The following RBMS1 variants were observed in gnomAD, a reference collection of about 807,000 sequenced individuals.
RBMS1 encodes RNA-binding motif, single-stranded-interacting protein 1.
In RBMS1, 17 loss-of-function variants were observed where a neutral mutation model predicts 62.3. That is an observed-to-expected ratio of 0.27 (90% CI 0.19 to 0.41). The LOEUF (loss-of-function observed/expected upper bound fraction) is 0.41, where lower values mean the gene tolerates loss of function less well. Among genes scored for constraint, RBMS1 ranks in the 10% least tolerant of loss-of-function variants. The pLI is 1.00. For missense variants in RBMS1, 334 were observed against 504.5 expected (o/e 0.66, Z 3.24); for synonymous variants, 172 against 170.0 (o/e 1.01, Z -0.09).
chr2:160,471,688 G>GGTGTGTGTAT (rs551305498), intron 1 of RBMS1, among the ~76,000 whole-genome samples: 5 of 20,288 alleles, frequency 2.5e-4, no homozygotes, highest in East Asian at 1.7e-3. Context: ...GAAATCCTTT[G>GGTGTGTGTAT]GTGTATATAT....
intron 1 of RBMS1, among the ~76,000 whole-genome samples, chr2:160,460,012 A>G (rs1684396511): frequency 1.3e-5 from 2 of 152,178 alleles, no homozygotes; most frequent in Non-Finnish European, 2.9e-5. Context: ...AATCTAACAC[A>G]CAATTCAATC....
At chr2:160,448,495 C>T (rs558784806) in intron 1 of RBMS1, among the ~76,000 whole-genome samples, 96 of 152,368 alleles carry the variant, frequency 6.3e-4, no homozygotes, top group Non-Finnish European at 1.1e-3. Flanking sequence ...GGGGTTTCCC[C>T]GTGTTGGCCG....
chr2:160,424,374 G>GC (rs1193900716), intron 1 of RBMS1, among the ~76,000 whole-genome samples: 4 of 150,248 alleles, frequency 2.7e-5, no homozygotes, highest in South Asian at 2.1e-4. Context: ...TTGGGGGGGG[G>GC]GGGAAACAAA....
chr2:160,301,989 A>G (rs906125471), intron 5 of RBMS1, among the ~76,000 whole-genome samples: 7 of 152,228 alleles, frequency 4.6e-5, no homozygotes, highest in African/African-American at 1.2e-4. Context: ...CAGAGTATTA[A>G]TAAGTTTCTA....
intron 2 of RBMS1, among the ~76,000 whole-genome samples, chr2:160,323,611 AG>A (rs1322224773): frequency 0.09 from 6,061 of 67,332 alleles, 373 homozygotes; most frequent in African/African-American, 0.2. Context: ...ATTTCATGAA[AG>A]AAAAAAAAAA....
chr2:160,434,787 C>T (rs904848324), intron 1 of RBMS1, among the ~76,000 whole-genome samples: 9 of 152,230 alleles, frequency 5.9e-5, no homozygotes, highest in South Asian at 2.1e-4. Flanking sequence ...AATTATCTTG[C>T]GGCCAGCAGG....
At chr2:160,311,220 C>CA (rs1689846208) in intron 4 of RBMS1, among the ~76,000 whole-genome samples, 1 of 84,988 alleles carries the variant, frequency 1.2e-5, no homozygotes, top group Non-Finnish European at 2.4e-5. Flanking sequence ...ATCTATCTAT[C>CA]TATCTATCTA....
At chr2:160,448,018 G>T (rs1413409775) in intron 1 of RBMS1, among the ~76,000 whole-genome samples, 1 of 152,060 alleles carries the variant, frequency 6.6e-6, no homozygotes, top group Non-Finnish European at 1.5e-5. Context: ...CAGATCATAG[G>T]CTATGTTAAC....
intron 2 of RBMS1, among the ~76,000 whole-genome samples, chr2:160,324,074 T>G (rs1168704655): frequency 6.6e-6 from 1 of 152,252 alleles, no homozygotes; most frequent in African/African-American, 2.4e-5. Context: ...TCTACCTTTT[T>G]GGTAATTTAT....
At chr2:160,300,184 T>C (rs1156531171) in intron 6 of RBMS1, among the ~76,000 whole-genome samples, 4 of 152,084 alleles carry the variant, frequency 2.6e-5, no homozygotes, top group Non-Finnish European at 4.4e-5. Flanking sequence ...AAGTGTGACA[T>C]TGGAATGAAA....
At chr2:160,388,967 T>C (rs987306568) in intron 1 of RBMS1, among the ~76,000 whole-genome samples, 1 of 152,258 alleles carries the variant, frequency 6.6e-6, no homozygotes, top group Admixed American at 6.5e-5. Flanking sequence ...TTTCCACATG[T>C]GCTCATCTCA....
chr2:160,397,489 C>T lies in RBMS1; in HGVS notation c.76-30098G>A, dbSNP rs116032139. ...AGTAAGCCCTATTTCCAAATATTCC[C>T]TCTTTTTTCTAGCACCTTGCTTTAC... On this transcript the variant is annotated intron_variant, in intron 1 of 13. Transcript: ENST00000348849. 3.8e-3 allele frequency among the ~76,000 whole-genome samples: 577 copies of T among 152,214 alleles called. 2 individuals are homozygous for T. The highest frequency in any genetic ancestry group is 6.2e-3 in the Non-Finnish European group (422 of 68,028).
At chr2:160,383,611 A>G (rs1694406969) in intron 1 of RBMS1, among the ~76,000 whole-genome samples, 2 of 152,226 alleles carry the variant, frequency 1.3e-5, no homozygotes, top group South Asian at 4.1e-4. Flanking sequence ...TAGCATATCT[A>G]TCATCTCAAA....
intron 7 of RBMS1, among the ~76,000 whole-genome samples, chr2:160,286,238 T>C: frequency 6.8e-6 from 1 of 148,130 alleles, no homozygotes; most frequent in Admixed American, 6.6e-5. Flanking sequence ...AGTTCAAGGT[T>C]GTGGTAGGCT....
intron 2 of RBMS1, among the ~76,000 whole-genome samples, chr2:160,361,522 C>T (rs1693127164): frequency 6.6e-6 from 1 of 152,224 alleles, no homozygotes; most frequent in Non-Finnish European, 1.5e-5. Context: ...CGCTGCCATA[C>T]AGCGAGTATT....
chr2:160,454,761 T>C (rs563526598), intron 1 of RBMS1, among the ~76,000 whole-genome samples: 3 of 152,178 alleles, frequency 2.0e-5, no homozygotes, highest in Admixed American at 6.5e-5. Flanking sequence ...CTAAGGGTTT[T>C]AGGTAGTGGG....
chr2:160,422,293 C>T lies in RBMS1; in HGVS notation c.76-54902G>A, dbSNP rs558644122. Among the ~76,000 whole-genome samples, 202 of 152,298 alleles carry T rather than the reference C, an allele frequency of 1.3e-3. 1 individual carries two copies. Among genetic ancestry groups the T allele is most frequent in the Non-Finnish European group, 1.8e-3 (124 of 68,018 alleles). ...AACCTAAGCCTTGAGTTTAGGGGGT[C>T]GTGAGTAAGCCTGACAGTTCCACTT... On this transcript the variant is annotated intron_variant, in intron 1 of 13. Coordinates refer to ENST00000348849, the MANE Select transcript of RBMS1 (RefSeq NM_016836.4).
intron 1 of RBMS1, among the ~76,000 whole-genome samples, chr2:160,371,926 C>T (rs1693744884): frequency 1.3e-5 from 2 of 152,200 alleles, no homozygotes; most frequent in Admixed American, 1.3e-4. Context: ...CCCTCTCTAT[C>T]ACATCACCCC....
intron 1 of RBMS1, among the ~76,000 whole-genome samples, chr2:160,386,348 C>T (rs989982317): frequency 2.6e-5 from 4 of 152,126 alleles, no homozygotes; most frequent in African/African-American, 7.2e-5. Flanking sequence ...CCAGCCTGAC[C>T]AACACAGTGA....
Sources: gnomAD v4.1 joint callset for allele counts (sites outside exome capture counted in the v4.1 genomes callset) on GRCh38, gnomAD v4.1.1 for gene constraint, MANE v1.5 for transcripts, NCBI Gene and HGNC (gene_info 2026-07-23, HGNC 2026-07-21) for gene names.